The following GRM8 variants were observed in gnomAD, a reference collection of about 807,000 sequenced individuals.
GRM8 encodes the protein metabotropic glutamate receptor 8.
Under a neutral mutation model 87.2 loss-of-function variants are expected in GRM8, and 47 were observed. The observed-to-expected ratio is 0.54, with a 90% CI of 0.43 to 0.69. The LOEUF (loss-of-function observed/expected upper bound fraction) is 0.69. Ranked by LOEUF, GRM8 falls within the 30% of genes least tolerant of loss-of-function variation. GRM8 has a pLI of 0.00. For synonymous variants in GRM8, 396 were observed against 404.5 expected, an observed-to-expected ratio of 0.98 and a Z score of 0.25; for missense variants, 1,019 against 1,139.2, an observed-to-expected ratio of 0.89 and a Z score of 1.52.
intron 6 of GRM8, among the ~76,000 whole-genome samples, chr7:126,806,834 C>A (rs945658551): frequency 2.0e-5 from 3 of 152,190 alleles, no homozygotes; most frequent in Non-Finnish European, 2.9e-5. Flanking sequence ...CTACCCGGAA[C>A]CGCGCCGGTG....
In GRM8 at chr7:126,616,796, G is replaced by A. The variant is rs190194943; in HGVS notation, c.1358-7298C>T. 4.5e-4 allele frequency among the ~76,000 whole-genome samples: 69 copies of A among 152,222 alleles called. 1 individual carries two copies. The highest frequency in any genetic ancestry group is 1.5e-3 in the African/African-American group (63 of 41,532). On this transcript the variant is annotated intron_variant, in intron 7 of 10. Transcript: ENST00000339582. ...TCTAGAAGAAATGGAAAAATTCCTC[G>A]ACACATACACCCTCCCAAGACTAAA...
rs1795203962 is a variant in GRM8 at position 127,194,910 on chromosome 7, C to T, written c.510+47785G>A. 5.9e-5 allele frequency among the ~76,000 whole-genome samples: 9 copies of T among 152,004 alleles called. No homozygotes were observed. In the South Asian group the frequency reaches 1.9e-3, roughly 32 times the overall value. On this transcript the variant is annotated intron_variant, in intron 2 of 10. Coordinates refer to ENST00000339582, the MANE Select transcript of GRM8 (RefSeq NM_000845.3). Reference sequence around the variant, plus strand: ...TGATTTACAAACAGGTGTCTAAATCCCCCTTCCCCCACCCCAGATTCCAGG... The same window carrying T: ...TGATTTACAAACAGGTGTCTAAATCTCCCTTCCCCCACCCCAGATTCCAGG...
intron 6 of GRM8, among the ~76,000 whole-genome samples, chr7:126,773,928 T>A (rs1274767575): frequency 6.6e-6 from 1 of 152,196 alleles, no homozygotes; most frequent in Non-Finnish European, 1.5e-5. Flanking sequence ...TTTAAAATTG[T>A]ACTATTCAAA....
At chr7:126,973,810 A>G (rs1810679026) in intron 3 of GRM8, among the ~76,000 whole-genome samples, 1 of 152,228 alleles carries the variant, frequency 6.6e-6, no homozygotes, top group Non-Finnish European at 1.5e-5. Flanking sequence ...AAACATAGAA[A>G]AATACTGCAT....
intron 2 of GRM8, among the ~76,000 whole-genome samples, chr7:127,220,353 T>G (rs1796841365): frequency 6.6e-6 from 1 of 152,178 alleles, no homozygotes; most frequent in African/African-American, 2.4e-5. Flanking sequence ...ATATTACTAA[T>G]AACATTACCA....
chr7:126,532,006 A>G (rs1814899533), intron 9 of GRM8, among the ~76,000 whole-genome samples: 1 of 152,246 alleles, frequency 6.6e-6, no homozygotes, highest in African/African-American at 2.4e-5. Context: ...AAGGGCTATC[A>G]TTACAGAAAT....
intron 6 of GRM8, among the ~76,000 whole-genome samples, chr7:126,838,972 A>G (rs960968638): frequency 6.6e-6 from 1 of 152,196 alleles, no homozygotes; most frequent in Non-Finnish European, 1.5e-5. Flanking sequence ...GAAGAACGGC[A>G]TTTGGTATCT....
At chr7:126,908,219 A>T (rs1480581539) in intron 3 of GRM8, among the ~76,000 whole-genome samples, 10 of 152,294 alleles carry the variant, frequency 6.6e-5, no homozygotes, top group Admixed American at 5.9e-4. Context: ...CTGAGAGAGA[A>T]TATTTAAATC....
chr7:127,053,173 T>C (rs1484389851), intron 3 of GRM8, among the ~76,000 whole-genome samples: 1 of 152,210 alleles, frequency 6.6e-6, no homozygotes, highest in East Asian at 1.9e-4. Context: ...ATTTAATGTA[T>C]GGTTTTAGCT....
At chr7:126,967,717 A>G (rs1169617595) in intron 3 of GRM8, among the ~76,000 whole-genome samples, 1 of 152,236 alleles carries the variant, frequency 6.6e-6, no homozygotes, top group African/African-American at 2.4e-5. Flanking sequence ...CTTCATGATT[A>G]GAAACTTACA....
At chr7:126,733,151 TTTC>T (rs1035226971) in intron 7 of GRM8, among the ~76,000 whole-genome samples, 6 of 152,090 alleles carry the variant, frequency 3.9e-5, no homozygotes, top group African/African-American at 1.4e-4. Flanking sequence ...ATCACTTTTT[TTTC>T]TTCTTCACTA....
chr7:126,468,002 C>G (rs909742868), intron 9 of GRM8, among the ~76,000 whole-genome samples: 2 of 151,920 alleles, frequency 1.3e-5, no homozygotes, highest in African/African-American at 4.8e-5. Context: ...CTTCAATTTC[C>G]TCATCTATAA....
intron 3 of GRM8, among the ~76,000 whole-genome samples, chr7:127,002,775 G>C (rs1813860706): frequency 5.3e-5 from 8 of 151,728 alleles, no homozygotes; most frequent in Admixed American, 5.3e-4. Flanking sequence ...GCATAACCAA[G>C]TGATGGTGTA....
At chr7:127,175,780 G>A (rs938794126) in intron 2 of GRM8, among the ~76,000 whole-genome samples, 4 of 152,124 alleles carry the variant, frequency 2.6e-5, no homozygotes, top group African/African-American at 9.7e-5. Flanking sequence ...CTTCCTTCAT[G>A]CAAAAAATAA....
chr7:126,642,096 A>C (rs139159004), intron 7 of GRM8, among the ~76,000 whole-genome samples: 1 of 152,294 alleles, frequency 6.6e-6, no homozygotes, highest in African/African-American at 2.4e-5. Context: ...CCACATAGGA[A>C]GCACTGAATA....
At chr7:126,811,732 G>A (rs1793314423) in intron 6 of GRM8, among the ~76,000 whole-genome samples, 1 of 151,888 alleles carries the variant, frequency 6.6e-6, no homozygotes, top group African/African-American at 2.4e-5. Context: ...AAACTTTACT[G>A]GATTCATTTA....
intron 2 of GRM8, among the ~76,000 whole-genome samples, chr7:127,180,534 G>A (rs1049800879): frequency 6.6e-6 from 1 of 151,770 alleles, no homozygotes; most frequent in African/African-American, 2.4e-5. Flanking sequence ...AATCAGAAAA[G>A]GACCTAACCA....
In GRM8 at chr7:126,738,377, G is replaced by A. The variant is rs777537678; in HGVS notation, c.1357+31488C>T. On this transcript the variant is annotated intron_variant, in intron 7 of 10. Transcript: ENST00000339582. Reference sequence around the variant, plus strand: ...AAATAATTAAGATAGGAGCAATCTAGTGGGGAAGAACAGGTTTGCAAGATA... The same window carrying A: ...AAATAATTAAGATAGGAGCAATCTAATGGGGAAGAACAGGTTTGCAAGATA... Among the ~76,000 whole-genome samples, 109 of 152,234 alleles carry A rather than the reference G, an allele frequency of 7.2e-4. 1 individual carries two copies. The highest frequency in any genetic ancestry group is 2.4e-3 in the Admixed American group (36 of 15,256).
intron 8 of GRM8, among the ~76,000 whole-genome samples, chr7:126,598,680 AT>A (rs3216286): frequency 0.19 from 29,534 of 151,832 alleles, 3,355 homozygotes; most frequent in East Asian, 0.31. Context: ...GAAAAAAAAA[AT>A]CTTAATTACG....
Sources: allele counts gnomAD v4.1 joint callset (sites outside exome capture counted in the v4.1 genomes callset), GRCh38; gene constraint gnomAD v4.1.1; transcripts MANE v1.5; gene names NCBI Gene and HGNC (gene_info 2026-07-23, HGNC 2026-07-21).